Variants in SULF2 observed in about 807,000 individuals in gnomAD.
The protein encoded by SULF2 is sulfatase 2.
Under a neutral mutation model 107.7 loss-of-function variants are expected in SULF2, and 52 were observed. The observed-to-expected ratio is 0.48, with a 90% CI of 0.39 to 0.61. The LOEUF is 0.61. Among genes scored for constraint, SULF2 ranks in the 20% least tolerant of loss-of-function variants. The pLI is 0.00. For missense variants in SULF2, 993 were observed against 1,177.3 expected, an observed-to-expected ratio of 0.84 and a Z score of 2.29; for synonymous variants, 460 against 464.3, an observed-to-expected ratio of 0.99 and a Z score of 0.12.
chr20:47,668,567 GC>G (rs1050501820), intron 11 of SULF2, among the ~76,000 whole-genome samples: 73 of 152,364 alleles, frequency 4.8e-4, no homozygotes, highest in African/African-American at 1.7e-3. Context: ...TGGCTCAGGT[GC>G]AAACCCCTGA....
chr20:47,676,679 C>T (rs1330938005), intron 9 of SULF2, 56 bp from the exon 10 acceptor site: 5 of 1,542,078 alleles, frequency 3.2e-6, no homozygotes, highest in African/African-American at 1.4e-5. Flanking sequence ...GGAGGAGCCC[C>T]GGAGGCATGT....
At chr20:47,699,814 G>A (rs527691867) in intron 4 of SULF2, among the ~76,000 whole-genome samples, 4 of 152,292 alleles carry the variant, frequency 2.6e-5, no homozygotes, top group African/African-American at 9.6e-5. Context: ...ATCAGGAAAA[G>A]TGGCCATCTG....
At chr20:47,693,819 A>C (rs931740305) in intron 4 of SULF2, among the ~76,000 whole-genome samples, 1 of 152,162 alleles carries the variant, frequency 6.6e-6, no homozygotes, top group African/African-American at 2.4e-5. Context: ...CCCACAGTCT[A>C]ATGTTTCAAA....
intron 11 of SULF2, among the ~76,000 whole-genome samples, chr20:47,671,597 A>G (rs923971248): frequency 6.6e-6 from 1 of 152,062 alleles, no homozygotes; most frequent in Non-Finnish European, 1.5e-5. Context: ...TAAACTCACC[A>G]CAAACACTGA....
chr20:47,764,647 C>G (rs930807014), intron 1 of SULF2, among the ~76,000 whole-genome samples: 2 of 152,070 alleles, frequency 1.3e-5, no homozygotes, highest in African/African-American at 4.8e-5. Flanking sequence ...TGATGGTGGC[C>G]GCCCATTGGA....
At chr20:47,703,227 G>A (rs1047453353) in intron 3 of SULF2, among the ~76,000 whole-genome samples, 4 of 152,200 alleles carry the variant, frequency 2.6e-5, no homozygotes, top group Non-Finnish European at 1.5e-5. Context: ...TGTAGAGAGC[G>A]ATCATTTCAG....
chr20:47,698,971 T>C (rs1831818), intron 4 of SULF2, among the ~76,000 whole-genome samples: 131,321 of 152,192 alleles, frequency 0.86, 57,122 homozygotes, highest in African/African-American at 0.97. Context: ...ACAGAGGTTG[T>C]GGTAAGCCAA....
chr20:47,743,017 G>A (rs2089926460), intron 2 of SULF2, among the ~76,000 whole-genome samples: 1 of 145,276 alleles, frequency 6.9e-6, no homozygotes, highest in African/African-American at 2.6e-5. Flanking sequence ...CTGGGAGCAG[G>A]GGAACCCTGT....
At chr20:47,672,658 C>G (rs2087516725) in intron 10 of SULF2, 1 of 585,558 alleles carries the variant, frequency 1.7e-6, no homozygotes, top group African/African-American at 2.0e-5. Context: ...CTAAAATCCA[C>G]CCACATGGCA....
intron 2 of SULF2, among the ~76,000 whole-genome samples, chr20:47,737,418 T>C (rs2089762953): frequency 6.6e-6 from 1 of 152,240 alleles, no homozygotes; most frequent in Non-Finnish European, 1.5e-5. Context: ...TTATACTTTC[T>C]TTTCTTTGGA....
At chr20:47,689,745 C>T (rs1377010221) in intron 5 of SULF2, 1 of 164,228 alleles carries the variant, frequency 6.1e-6, no homozygotes, top group Non-Finnish European at 1.3e-5. Flanking sequence ...CTACATAGCC[C>T]ACAGCTCAAT....
In SULF2 at chr20:47,678,609, G is replaced by T; in HGVS notation, c.1193+67C>A. 1 of 1,595,826 alleles carries T rather than the reference G, an allele frequency of 6.3e-7. No individual in the cohort carries two copies. The highest frequency in any genetic ancestry group is 8.6e-7 in the Non-Finnish European group (1 of 1,169,494). On this transcript the variant is annotated intron_variant, in intron 8 of 20. Coordinates refer to ENST00000688720, the MANE Select transcript of SULF2 (RefSeq NM_001387048.1). This position sits in a 1 kb window ranked among gnomAD's most constrained non-coding sequence, Gnocchi z 4.5. ...AGACCCCACGTTCTAGACCCACAGG[G>T]TTTTGCTCTGAGTTCCCGCAGGTCA... is the stretch of plus-strand genomic sequence containing the variant.
At chr20:47,673,958 G>T (rs1333474833) in intron 10 of SULF2, among the ~76,000 whole-genome samples, 1 of 152,204 alleles carries the variant, frequency 6.6e-6, no homozygotes, top group African/African-American at 2.4e-5. Context: ...CTTCCCCACT[G>T]CCTGCTCCCC....
rs147955521 is a variant in SULF2, at chr20:47,661,846, G to T, written c.2421C>A (p.His807Gln). The change falls in exon 18 of 21, where the codon CAC (histidine) becomes CAA (glutamine). Residue 807 changes from histidine (H) to glutamine (Q), a missense_variant. Around this residue, in one of 3 missense-constraint regions of SULF2, gnomAD observed 497 missense variants for 544.1 expected, o/e 0.91. Coordinates refer to ENST00000688720, the MANE Select transcript of SULF2 (RefSeq NM_001387048.1). ...TLDRDVLNQLHVQLMELRSCK... is the reference protein window; with the variant it reads ...TLDRDVLNQLQVQLMELRSCK... ...AGCTCCTCAGCTCCATGAGCTGTAC[G>T]TGTAGCTGGTTGAGGACATCCCTGT... 1.3e-5 allele frequency: 21 copies of T among 1,595,074 alleles called. No homozygotes were observed. Among genetic ancestry groups the T allele is most frequent in the Non-Finnish European group, 1.6e-5 (19 of 1,167,432 alleles).
chr20:47,659,671 T>C (rs749962623), intron 19 of SULF2, 26 bp downstream of exon 19: 2 of 1,600,156 alleles, frequency 1.2e-6, no homozygotes, highest in South Asian at 2.2e-5. Flanking sequence ...GAACTTTGTT[T>C]AGGCTTTAAT....
chr20:47,686,961 C>T (rs1311593506), intron 5 of SULF2, among the ~76,000 whole-genome samples: 3 of 152,146 alleles, frequency 2.0e-5, no homozygotes, highest in Non-Finnish European at 4.4e-5. Context: ...CTCAGCTCCC[C>T]TCTCAGATCT....
chr20:47,674,830 C>T (rs1334407409), intron 10 of SULF2, among the ~76,000 whole-genome samples: 1 of 152,140 alleles, frequency 6.6e-6, no homozygotes, highest in Admixed American at 6.5e-5. Flanking sequence ...CAAGCAGGGA[C>T]ATGGCAACGG....
rs1294624588 is a variant in SULF2 at position 47,712,812 on chromosome 20, T to C, written c.416-10142A>G. Reference sequence around the variant, plus strand: ...ACTTTGGGAGGCCAAGATGGGCAGATTGCTTGAGCTCAGGAGTTTGAGGCC... The same window carrying C: ...ACTTTGGGAGGCCAAGATGGGCAGACTGCTTGAGCTCAGGAGTTTGAGGCC... On this transcript the variant is annotated intron_variant, in intron 3 of 20. Coordinates refer to ENST00000688720, the MANE Select transcript of SULF2 (RefSeq NM_001387048.1). Among the ~76,000 whole-genome samples, 4 of 152,304 alleles carry C rather than the reference T, an allele frequency of 2.6e-5. No homozygotes were observed. The South Asian group carries it at 6.2e-4, about 24-fold the overall frequency.
At chr20:47,754,746 G>A (rs377254146) in intron 2 of SULF2, among the ~76,000 whole-genome samples, 3 of 152,310 alleles carry the variant, frequency 2.0e-5, no homozygotes, top group African/African-American at 4.8e-5. Flanking sequence ...AAACGCACAC[G>A]CTACCAATCT....
Sources: gnomAD v4.1 joint callset for allele counts (sites outside exome capture counted in the v4.1 genomes callset) on GRCh38, gnomAD v4.1.1 for gene constraint, gnomAD v4.1.1 regional missense constraint, Gnocchi (gnomAD v3.1) non-coding constraint, MANE v1.5 for transcripts, NCBI Gene and HGNC (gene_info 2026-07-23, HGNC 2026-07-21) for gene names.